The following PRTFDC1 variants were observed in gnomAD, a reference collection of about 807,000 sequenced individuals.
The protein encoded by PRTFDC1 is phosphoribosyl transferase domain containing 1, also known as phosphoribosyltransferase domain-containing protein 1.
Under a neutral mutation model 34.6 loss-of-function variants are expected in PRTFDC1, and 38 were observed. That is an observed-to-expected ratio of 1.10 (90% CI 0.85 to 1.44). The LOEUF (loss-of-function observed/expected upper bound fraction) is 1.44, where lower values mean the gene tolerates loss of function less well. Among genes scored for constraint, PRTFDC1 ranks in the 40% most tolerant of loss-of-function variants. PRTFDC1 has a pLI of 0.00. For synonymous variants in PRTFDC1, 93 were observed against 98.1 expected, an observed-to-expected ratio of 0.95 and a Z score of 0.31; for missense variants, 270 against 283.0, an observed-to-expected ratio of 0.95 and a Z score of 0.33.
chr10:24,950,732 A>C (rs771770570), intron 1 of PRTFDC1, among the ~76,000 whole-genome samples: 3 of 151,742 alleles, frequency 2.0e-5, no homozygotes, highest in Non-Finnish European at 4.4e-5. Context: ...TCCTTCAACC[A>C]GCTTCTCCCC....
intron 3 of PRTFDC1, among the ~76,000 whole-genome samples, chr10:24,929,129 T>G (rs1848933637): frequency 6.6e-6 from 1 of 151,110 alleles, no homozygotes; most frequent in African/African-American, 2.4e-5. Flanking sequence ...TCAGCAAAAG[T>G]TCACCCTGGT....
chr10:24,888,379 T>C (rs1467291371), intron 3 of PRTFDC1, among the ~76,000 whole-genome samples: 2 of 152,186 alleles, frequency 1.3e-5, no homozygotes, highest in Non-Finnish European at 2.9e-5. Context: ...ACCTACCCGT[T>C]TGGGTTGTTG....
intron 3 of PRTFDC1, among the ~76,000 whole-genome samples, chr10:24,888,357 G>A (rs976153076): frequency 2.0e-5 from 3 of 152,194 alleles, no homozygotes; most frequent in Admixed American, 6.5e-5. Context: ...TCTAGAAAAT[G>A]AGTTCAGTGA....
At chr10:24,949,130 C>T (rs1405786101) in intron 1 of PRTFDC1, among the ~76,000 whole-genome samples, 3 of 152,154 alleles carry the variant, frequency 2.0e-5, no homozygotes, top group Non-Finnish European at 4.4e-5. Flanking sequence ...CACTCTGACA[C>T]CCAGGCTGGA....
chr10:24,884,077 C>A (rs978629046), intron 3 of PRTFDC1, among the ~76,000 whole-genome samples: 2 of 151,728 alleles, frequency 1.3e-5, no homozygotes, highest in South Asian at 4.2e-4. Flanking sequence ...GGTGATCCAC[C>A]TGCCTCGGCC....
chr10:24,851,333 T>A (rs989059241), intron 8 of PRTFDC1, 55 bp downstream of exon 8: 11 of 1,578,516 alleles, frequency 7.0e-6, no homozygotes, highest in South Asian at 1.2e-5. Context: ...AATACTTTTT[T>A]AAATTGTTAA....
At chr10:24,939,557 C>T (rs1449106434) in intron 2 of PRTFDC1, among the ~76,000 whole-genome samples, 1 of 151,676 alleles carries the variant, frequency 6.6e-6, no homozygotes, top group African/African-American at 2.4e-5. Flanking sequence ...CTTTGGGAGG[C>T]CAAGGCAGGC....
At chr10:24,887,125 C>T (rs914947943) in intron 3 of PRTFDC1, among the ~76,000 whole-genome samples, 3 of 151,002 alleles carry the variant, frequency 2.0e-5, no homozygotes, top group East Asian at 1.9e-4. Flanking sequence ...CGCCCGCCAC[C>T]GCGCCCGGCT....
rs934929137 is a variant in PRTFDC1 at position 24,872,151 on chromosome 10, C to T, written c.340-88G>A. On this transcript the variant is annotated intron_variant, in intron 3 of 8. Transcript: ENST00000320152. ...TTTTCCTGTCTACCCAGTTAGTGGC[C>T]GGAATGTGCCTTACAAATATAGCAC... is the stretch of plus-strand genomic sequence containing the variant. 27 of 1,120,804 alleles carry T rather than the reference C, an allele frequency of 2.4e-5. No individual in the cohort carries two copies. In the African/African-American group the frequency reaches 2.5e-4, roughly 10 times the overall value. The allele number at this position is 1,120,804 out of a possible 1,614,324, so 69.4% of individuals were successfully genotyped here.
At chr10:24,918,947 T>C (rs2132580125) in intron 3 of PRTFDC1, among the ~76,000 whole-genome samples, 1 of 152,316 alleles carries the variant, frequency 6.6e-6, no homozygotes, top group Middle Eastern at 3.4e-3. Context: ...TGTGTAGTTT[T>C]ACATCTTAGC....
chr10:24,928,929 A>G (rs986096234), intron 3 of PRTFDC1, among the ~76,000 whole-genome samples: 19 of 151,172 alleles, frequency 1.3e-4, no homozygotes, highest in African/African-American at 4.6e-4. Flanking sequence ...AGTCCCAGCT[A>G]TTCGGGAGGC....
intron 3 of PRTFDC1, among the ~76,000 whole-genome samples, chr10:24,894,108 G>A (rs1212788662): frequency 2.6e-5 from 4 of 152,128 alleles, no homozygotes; most frequent in Admixed American, 6.5e-5. Flanking sequence ...CGAGGTGGGG[G>A]ACCACGAGGT....
intron 3 of PRTFDC1, among the ~76,000 whole-genome samples, chr10:24,884,981 G>T (rs1050958495): frequency 3.3e-5 from 5 of 152,168 alleles, no homozygotes; most frequent in Admixed American, 6.5e-5. Context: ...GGAGGGTCCT[G>T]TCCCCACCTG....
chr10:24,893,292 C>G (rs28414126), intron 3 of PRTFDC1, among the ~76,000 whole-genome samples: 1 of 151,936 alleles, frequency 6.6e-6, no homozygotes, highest in Non-Finnish European at 1.5e-5. Flanking sequence ...CTCTCTCTTT[C>G]TCTCTTTCTT....
chr10:24,905,911 C>G (rs1193150496), intron 3 of PRTFDC1, among the ~76,000 whole-genome samples: 1 of 152,158 alleles, frequency 6.6e-6, no homozygotes, highest in African/African-American at 2.4e-5. Context: ...ACTCCCCTTC[C>G]CAGCCTCTGG....
At chr10:24,917,465 A>T in intron 3 of PRTFDC1, among the ~76,000 whole-genome samples, 1 of 152,156 alleles carries the variant, frequency 6.6e-6, no homozygotes, top group Non-Finnish European at 1.5e-5. Flanking sequence ...TACTTTAGAG[A>T]TACCAAGATT....
chr10:24,917,181 C>T (rs918077904), intron 3 of PRTFDC1, among the ~76,000 whole-genome samples: 1 of 152,182 alleles, frequency 6.6e-6, no homozygotes, highest in African/African-American at 2.4e-5. Context: ...TACTTTTCAT[C>T]AGGGAAGTAA....
At chr10:24,898,647 G>A (rs968507494) in intron 3 of PRTFDC1, among the ~76,000 whole-genome samples, 2 of 151,956 alleles carry the variant, frequency 1.3e-5, no homozygotes, top group African/African-American at 2.4e-5. Flanking sequence ...CATTACCCAA[G>A]AAGAAAGGAT....
At chr10:24,934,284 G>A (rs563085173) in intron 3 of PRTFDC1, among the ~76,000 whole-genome samples, 3 of 151,956 alleles carry the variant, frequency 2.0e-5, no homozygotes, top group Admixed American at 6.6e-5. Flanking sequence ...GAACTGATAC[G>A]AAGAAGAAGA....
Sources: allele counts gnomAD v4.1 joint callset (sites outside exome capture counted in the v4.1 genomes callset), GRCh38; gene constraint gnomAD v4.1.1; transcripts MANE v1.5; gene names NCBI Gene and HGNC (gene_info 2026-07-23, HGNC 2026-07-21).